The following SETD2 variants were observed in gnomAD, a reference collection of about 807,000 sequenced individuals.
SETD2 encodes SET domain containing 2, histone lysine methyltransferase.
Under a neutral mutation model 242.1 loss-of-function variants are expected in SETD2, and 31 were observed. That is an observed-to-expected ratio of 0.13 (90% confidence interval 0.10 to 0.17). The LOEUF is 0.17. Ranked by LOEUF, SETD2 falls within the 10% of genes least tolerant of loss-of-function variation. SETD2 has a pLI of 1.00. For synonymous variants in SETD2, 1,006 were observed against 1,066.5 expected (o/e 0.94, Z 1.11); for missense variants, 2,481 against 3,046.3 (o/e 0.81, Z 4.37).
intron 12 of SETD2, among the ~76,000 whole-genome samples, chr3:47,068,347 C>T (rs1025087134): frequency 6.6e-6 from 1 of 152,168 alleles, no homozygotes; most frequent in East Asian, 1.9e-4. Flanking sequence ...ATGGACTGCA[C>T]AGATCCAGGG....
chr3:47,127,128 C>T (rs891750875), intron 1 of SETD2, among the ~76,000 whole-genome samples: 9 of 151,090 alleles, frequency 6.0e-5, no homozygotes, highest in Non-Finnish European at 1.2e-4. Context: ...AGGCTGAGGC[C>T]GGCTGATGGC....
At chr3:47,127,103 T>A (rs1575824932) in intron 1 of SETD2, among the ~76,000 whole-genome samples, 1 of 152,186 alleles carries the variant, frequency 6.6e-6, no homozygotes, top group Non-Finnish European at 1.5e-5. Flanking sequence ...ACACCTGTAA[T>A]CCCAGCACTT....
chr3:47,140,243 G>T (rs2043695086), intron 1 of SETD2, among the ~76,000 whole-genome samples: 1 of 152,122 alleles, frequency 6.6e-6, no homozygotes, highest in Non-Finnish European at 1.5e-5. Context: ...TTCTCTACTT[G>T]TCTGCCAAAT....
At chr3:47,139,619 A>T (rs2043679954) in intron 1 of SETD2, among the ~76,000 whole-genome samples, 2 of 152,332 alleles carry the variant, frequency 1.3e-5, no homozygotes, top group Admixed American at 1.3e-4. Flanking sequence ...TCTTAAAGGA[A>T]AAGAGGGAAA....
At chr3:47,048,145 T>C (rs1358112810) in intron 15 of SETD2, among the ~76,000 whole-genome samples, 1 of 152,224 alleles carries the variant, frequency 6.6e-6, no homozygotes, top group Non-Finnish European at 1.5e-5. Context: ...ACCCGAGCAC[T>C]TTGGGAGGCC....
chr3:47,129,753 C>T (rs2043433865), intron 1 of SETD2, among the ~76,000 whole-genome samples: 1 of 152,048 alleles, frequency 6.6e-6, no homozygotes, highest in South Asian at 2.1e-4. Context: ...GGCATGATGG[C>T]AAGTGCCTGT....
intron 12 of SETD2, among the ~76,000 whole-genome samples, chr3:47,071,018 C>T (rs1231598105): frequency 1.3e-5 from 2 of 152,108 alleles, no homozygotes; most frequent in African/African-American, 4.8e-5. Flanking sequence ...GCCATCATGT[C>T]CAGTGCAGTG....
intron 15 of SETD2, among the ~76,000 whole-genome samples, chr3:47,053,843 A>AT (rs2039950595): frequency 6.6e-6 from 1 of 152,178 alleles, no homozygotes; most frequent in African/African-American, 2.4e-5. Context: ...CCTGAATACT[A>AT]TTAAGGTAAC....
intron 18 of SETD2, among the ~76,000 whole-genome samples, chr3:47,033,883 C>G (rs1244594464): frequency 6.6e-6 from 1 of 152,072 alleles, no homozygotes; most frequent in African/African-American, 2.4e-5. Context: ...GTTGGCCAGG[C>G]TGGTCTCAAA....
intron 1 of SETD2, among the ~76,000 whole-genome samples, chr3:47,142,302 G>A (rs1313293229): frequency 6.6e-6 from 1 of 152,080 alleles, no homozygotes; most frequent in African/African-American, 2.4e-5. Flanking sequence ...GAGGCTAGGA[G>A]TTCGAGACCA....
intron 1 of SETD2, among the ~76,000 whole-genome samples, chr3:47,128,046 C>A (rs1334363772): frequency 1.3e-5 from 2 of 151,940 alleles, no homozygotes; most frequent in Non-Finnish European, 2.9e-5. Flanking sequence ...TGTAAAGTAT[C>A]TATAAACAGT....
At chr3:47,045,558 T>C (rs1328437461) in intron 16 of SETD2, among the ~76,000 whole-genome samples, 2 of 136,998 alleles carry the variant, frequency 1.5e-5, no homozygotes, top group African/African-American at 5.5e-5. Context: ...ATTAGCTGGG[T>C]GCAGTGATGC....
intron 16 of SETD2, among the ~76,000 whole-genome samples, chr3:47,044,636 C>T (rs1234056593): frequency 6.6e-6 from 1 of 152,070 alleles, no homozygotes; most frequent in Non-Finnish European, 1.5e-5. Context: ...TCTTATTTTC[C>T]ACTTTATCCA....
intron 1 of SETD2, among the ~76,000 whole-genome samples, chr3:47,154,432 T>C (rs2044078031): frequency 6.6e-6 from 1 of 151,064 alleles, no homozygotes; most frequent in Non-Finnish European, 1.5e-5. Context: ...GAAAGAAAGA[T>C]AAGCATATCT....
rs146153059 is a variant in SETD2 at position 47,065,789 on chromosome 3, A to G, written c.6109+1281T>C. ...CACTGTGCTCAGCCTGCATGACAGA[A>G]TAAGACACTGTCTCTAAAAAATAAA... On this transcript the variant is annotated intron_variant, in intron 13 of 20. Coordinates refer to ENST00000409792, the MANE Select transcript of SETD2 (RefSeq NM_014159.7). Among the ~76,000 whole-genome samples the G allele has an allele frequency of 9.8e-5, 15 of 152,292 alleles. No individual in the cohort carries two copies. In the East Asian group the frequency reaches 2.1e-3, roughly 22 times the overall value.
rs972544011 is a variant in SETD2 at position 47,122,667 on chromosome 3, T to C, written c.1969A>G (p.Lys657Glu). Residue 657 changes from lysine to glutamate, a missense_variant, in exon 3 of 21, where the codon AAA (lysine) becomes GAA (glutamate). Coordinates refer to ENST00000409792, the MANE Select transcript of SETD2 (RefSeq NM_014159.7). ...CTTCTTAATTGATCATTCTTCACTT[T>C]AGATAAAGAGTCTAATTCCTTAATA... is the stretch of plus-strand genomic sequence containing the variant. ...DSIKELDSLS[K>E]VKNDQLRSFC... 3 of 1,613,424 alleles carry C rather than the reference T, an allele frequency of 1.9e-6. No individual in the cohort carries two copies. The highest frequency in any genetic ancestry group is 2.5e-6 in the Non-Finnish European group (3 of 1,179,502).
At chr3:47,162,576 A>C (rs910968296) in intron 1 of SETD2, among the ~76,000 whole-genome samples, 1 of 152,234 alleles carries the variant, frequency 6.6e-6, no homozygotes, top group African/African-American at 2.4e-5. Flanking sequence ...TGCAATCAAA[A>C]CTATCAATTA....
rs587778666 is a variant in SETD2, at chr3:47,057,120, G to A, written c.6664C>T (p.Pro2222Ser). 6 of 1,614,124 alleles carry A rather than the reference G, an allele frequency of 3.7e-6. No homozygotes were observed. The Admixed American group carries it at 5.0e-5, about 13-fold the overall frequency. ...GCCACATGTGGCACCACTGGTACTG[G>A]TGGAGGGGCAGAAAGGGGTTCTGTA... ...HSTEPLSAPPPVPVVPHVAAP... is the reference protein window; with the variant it reads ...HSTEPLSAPPSVPVVPHVAAP... The change falls in exon 15 of 21, where the codon CCA becomes TCA. Residue 2222 changes from proline (P) to serine (S), a missense_variant. Pro to Ser is a moderately conservative substitution (Grantham distance 74, BLOSUM62 -1). This residue lies in a region of SETD2 where 235 missense variants were observed against 293.9 expected (regional missense o/e 0.80). Coordinates refer to ENST00000409792, the MANE Select transcript of SETD2 (RefSeq NM_014159.7).
chr3:47,036,759 C>T (rs185181538), intron 18 of SETD2, among the ~76,000 whole-genome samples: 18 of 151,634 alleles, frequency 1.2e-4, no homozygotes, highest in African/African-American at 3.6e-4. Flanking sequence ...AAAAATTAGC[C>T]GGGCGTGGAG....
Sources: allele counts gnomAD v4.1 joint callset (sites outside exome capture counted in the v4.1 genomes callset), GRCh38; gene constraint gnomAD v4.1.1; regional missense constraint gnomAD v4.1.1; transcripts MANE v1.5; gene names NCBI Gene and HGNC (gene_info 2026-07-23, HGNC 2026-07-21).